Variants in MBD3 observed in about 807,000 individuals in gnomAD.
MBD3 encodes the protein methyl-CpG-binding domain protein 3.
In MBD3, 13 loss-of-function variants were observed where a neutral mutation model predicts 31.2. The ratio of observed to expected loss-of-function variants is 0.42; its 90% CI spans 0.27 to 0.66. The LOEUF (loss-of-function observed/expected upper bound fraction) is 0.66. Among genes scored for constraint, MBD3 ranks in the 30% least tolerant of loss-of-function variants. The probability of loss-of-function intolerance (pLI) is 0.26; values close to 1 mark genes in which losing one functional copy is unlikely to be tolerated. For missense variants in MBD3, 440 were observed against 426.5 expected, an observed-to-expected ratio of 1.03 and a Z score of -0.28; for synonymous variants, 223 against 187.4, an observed-to-expected ratio of 1.19 and a Z score of -1.55.
chr19:1,584,710 G>C (rs199633138), intron 2 of MBD3, 33 bp from the exon 3 acceptor site: 419 of 1,601,040 alleles, frequency 2.6e-4, no homozygotes, highest in Non-Finnish European at 3.5e-4. Context: ...TCCGGCCTGG[G>C]GGCGCCCCGG....
chr19:1,582,481 C>A (rs1175363738), intron 4 of MBD3, 141 bp downstream of exon 4: 9 of 775,014 alleles, frequency 1.2e-5, no homozygotes, highest in Middle Eastern at 3.6e-4. Context: ...GTCCCCTCCT[C>A]CTGCCCCAGT....
rs1210857674 is a variant in MBD3, at chr19:1,578,142, G to T, written c.*22C>A. The T allele has an allele frequency of 1.2e-6, 1 of 847,060 alleles. No homozygotes were observed. The allele number at this position is 847,060 out of a possible 1,614,324, so 52.5% of individuals were successfully genotyped here. On this transcript the variant is annotated 3_prime_UTR_variant, in exon 7 of 7. Coordinates refer to ENST00000434436, the MANE Select transcript of MBD3 (RefSeq NM_001281453.2). The surrounding 1 kb of genome is among the most constrained non-coding windows in gnomAD (Gnocchi z 6.1). ...GCAGGCGGCTCCAGCAGGCAGCACG[G>T]GCTCTCGGCAGGGCCTCTGGAAAGG... is the stretch of plus-strand genomic sequence containing the variant.
At chr19:1,584,749 C>T in intron 2 of MBD3, 72 bp from the exon 3 acceptor site, 3 of 1,486,136 alleles carry the variant, frequency 2.0e-6, no homozygotes, top group Non-Finnish European at 2.7e-6. Flanking sequence ...GGTGCGGGGC[C>T]CGGGTGACCC....
intron 1 of MBD3, among the ~76,000 whole-genome samples, chr19:1,590,647 GAATTATATC>G (rs1441359619): frequency 1.3e-5 from 2 of 152,090 alleles, no homozygotes; most frequent in Non-Finnish European, 2.9e-5. Flanking sequence ...TGTGGAATGT[GAATTATATC>G]TCAATTTTAA....
rs1302426526 is a variant in MBD3 at position 1,585,417 on chromosome 19, C to T, written c.111-203G>A. The T allele has an allele frequency of 3.4e-6, 2 of 585,896 alleles. No individual in the cohort carries two copies. Among genetic ancestry groups the T allele is most frequent in the Non-Finnish European group, 6.0e-6 (2 of 331,516 alleles). The allele number at this position is 585,896 out of a possible 1,614,324, so 36.3% of individuals were successfully genotyped here. On this transcript the variant is annotated intron_variant, in intron 1 of 6. Transcript: ENST00000434436. The surrounding 1 kb of genome is among the most constrained non-coding windows in gnomAD (Gnocchi z 4.1). ...CCCTGGCGTGACCCCAGACCTTCAT[C>T]CCAGACCCCAGCACCCCACAACTGG...
chr19:1,578,820 CCT>C lies in MBD3; in HGVS notation c.678-284_678-283del, dbSNP rs1443221041. Among the ~76,000 whole-genome samples the C allele has an allele frequency of 6.6e-6, 1 of 152,124 alleles. No homozygotes were observed. The highest frequency in any genetic ancestry group is 1.5e-5 in the Non-Finnish European group (1 of 68,000). On this transcript the variant is annotated intron_variant, in intron 5 of 6. Coordinates refer to ENST00000434436, the MANE Select transcript of MBD3 (RefSeq NM_001281453.2). This position sits in a 1 kb window ranked among gnomAD's most constrained non-coding sequence, Gnocchi z 6.1. ...TGACCCTTCAGTCCCCAGACTTGGC[CCT>C]GAGCCTCCCCGGGGCTCAGCTGTGT...
chr19:1,590,363 T>C (rs769610536), intron 1 of MBD3, among the ~76,000 whole-genome samples: 3 of 152,216 alleles, frequency 2.0e-5, no homozygotes, highest in Non-Finnish European at 2.9e-5. Flanking sequence ...GGCTCATGCC[T>C]GTAATCCCAG....
chr19:1,580,366 G>A (rs1477151514), intron 5 of MBD3, among the ~76,000 whole-genome samples: 1 of 152,194 alleles, frequency 6.6e-6, no homozygotes, highest in African/African-American at 2.4e-5. Flanking sequence ...CTTGTGCCCA[G>A]GGGCCTTTAA....
chr19:1,580,606 G>T (rs927961499), intron 5 of MBD3, among the ~76,000 whole-genome samples: 1 of 152,228 alleles, frequency 6.6e-6, no homozygotes, highest in Admixed American at 6.5e-5. Flanking sequence ...AAGTGGGTTC[G>T]GCCCTGAGGC....
chr19:1,586,597 C>T (rs937556826), intron 1 of MBD3, among the ~76,000 whole-genome samples: 3 of 151,924 alleles, frequency 2.0e-5, no homozygotes, highest in African/African-American at 7.3e-5. Context: ...CAACCTTGAA[C>T]TCCTGGGCTA....
intron 1 of MBD3, 125 bp downstream of exon 1, chr19:1,592,397 C>CACGCACGCACGCACG (rs967796877): frequency 2.6e-5 from 6 of 228,036 alleles, no homozygotes; most frequent in Non-Finnish European, 3.2e-5. Flanking sequence ...ACGCAAGACG[C>CACGCACGCACGCACG]ACGCACGCAC....
rs1043451610 is a variant in MBD3 at position 1,578,752 on chromosome 19, A to G, written c.678-214T>C. On this transcript the variant is annotated intron_variant, in intron 5 of 6. Transcript: ENST00000434436. This position sits in a 1 kb window ranked among gnomAD's most constrained non-coding sequence, Gnocchi z 6.1. ...CATCGCCAGCGTCCGCCACCCTCCCAGATGGCCCCCCTGCCACCTCTACTG... is the reference window on the plus strand; with the variant it reads ...CATCGCCAGCGTCCGCCACCCTCCCGGATGGCCCCCCTGCCACCTCTACTG... Among the ~76,000 whole-genome samples the G allele has an allele frequency of 6.6e-6, 1 of 152,054 alleles. No homozygotes were observed. Among genetic ancestry groups the G allele is most frequent in the African/African-American group, 2.4e-5 (1 of 41,402 alleles).
intron 1 of MBD3, 25 bp downstream of exon 1, chr19:1,592,497 C>A: frequency 7.5e-7 from 1 of 1,325,974 alleles, no homozygotes; most frequent in Non-Finnish European, 1.0e-6. Flanking sequence ...CGTTGAGGCC[C>A]TGCGCGGCCG....
In MBD3 at chr19:1,578,252, G is replaced by A. The variant is rs183644486; in HGVS notation, c.*5+83C>T. On this transcript the variant is annotated intron_variant, in intron 6 of 6. Transcript: ENST00000434436. The surrounding 1 kb of genome is among the most constrained non-coding windows in gnomAD (Gnocchi z 6.1). The stretch of plus-strand genomic sequence containing the variant: ...GATGGGAAGCTCTTGGGAGGCACCC[G>A]TCATCCCAAGCACATCTGTGTTCAC... The A allele has an allele frequency of 2.8e-4, 445 of 1,579,636 alleles. 1 individual carries two copies. The highest frequency in any genetic ancestry group is 1.1e-3 in the Middle Eastern group (5 of 4,384).
intron 5 of MBD3, among the ~76,000 whole-genome samples, chr19:1,579,446 C>T (rs562542256): frequency 2.0e-5 from 3 of 152,272 alleles, no homozygotes; most frequent in South Asian, 2.1e-4. Context: ...CTCTGCCTGC[C>T]GCCTCCGGGG....
rs138676931 is a variant in MBD3, at chr19:1,575,327, A to G, written c.*2837T>C. On this transcript the variant is annotated 3_prime_UTR_variant, in exon 7 of 7. Coordinates refer to ENST00000434436, the MANE Select transcript of MBD3 (RefSeq NM_001281453.2). ...TCGGGAGGCTGAGGCTTGAACCCAGAAGGTGGAGGTTGCAGTGAGCCCAGA... is the reference window on the plus strand; with the variant it reads ...TCGGGAGGCTGAGGCTTGAACCCAGGAGGTGGAGGTTGCAGTGAGCCCAGA... 21,443 of 438,478 alleles carry G rather than the reference A, an allele frequency of 0.049. 1,703 individuals are homozygous for G. The highest frequency in any genetic ancestry group is 0.36 in the East Asian group (4,769 of 13,286). The allele number at this position is 438,478 out of a possible 1,614,324, so 27.2% of individuals were successfully genotyped here.
At chr19:1,590,156 G>A (rs1463680173) in intron 1 of MBD3, among the ~76,000 whole-genome samples, 8 of 151,950 alleles carry the variant, frequency 5.3e-5, no homozygotes, top group African/African-American at 1.2e-4. Context: ...AAATTAGCCG[G>A]GCATGGTGGC....
intron 1 of MBD3, among the ~76,000 whole-genome samples, chr19:1,588,049 T>C (rs748815758): frequency 4.6e-5 from 7 of 152,206 alleles, no homozygotes; most frequent in Non-Finnish European, 1.0e-4. Context: ...CTTGGTCCCA[T>C]GCTTAGCTCA....
intron 1 of MBD3, among the ~76,000 whole-genome samples, chr19:1,589,132 G>A (rs2060692409): frequency 6.6e-6 from 1 of 152,034 alleles, no homozygotes; most frequent in Non-Finnish European, 1.5e-5. Context: ...AGGAGTTCGA[G>A]ACCAGCCTGA....
Sources: gnomAD v4.1 joint callset for allele counts (sites outside exome capture counted in the v4.1 genomes callset) on GRCh38, gnomAD v4.1.1 for gene constraint, Gnocchi (gnomAD v3.1) non-coding constraint, MANE v1.5 for transcripts, NCBI Gene and HGNC (gene_info 2026-07-23, HGNC 2026-07-21) for gene names.